Variants in ARHGEF11 observed in about 807,000 individuals in gnomAD.
The protein encoded by ARHGEF11 is Rho guanine nucleotide exchange factor 11.
A neutral mutation model predicts 193.7 loss-of-function variants in ARHGEF11; 55 were observed. The ratio of observed to expected loss-of-function variants is 0.28; its 90% CI spans 0.23 to 0.36. The LOEUF (loss-of-function observed/expected upper bound fraction) is 0.36, where lower values mean the gene tolerates loss of function less well. ARHGEF11 is among the 10% of genes least tolerant of loss of function. The pLI is 1.00. For synonymous variants in ARHGEF11, 693 were observed against 768.0 expected (o/e 0.90, Z 1.62); for missense variants, 1,723 against 2,005.6 (o/e 0.86, Z 2.69).
At position 156,956,445 on chromosome 1, in the gene ARHGEF11, A is replaced by G; in HGVS notation, c.1646T>C (p.Leu549Pro). 1 of 1,614,162 alleles carries G rather than the reference A, an allele frequency of 6.2e-7. No individual in the cohort carries two copies. The highest frequency in any genetic ancestry group is 8.5e-7 in the Non-Finnish European group (1 of 1,180,020). The change falls in exon 19 of 41, where the codon CTA becomes CCA. Residue 549 changes from leucine to proline, a missense_variant. Leu to Pro is a moderately conservative substitution (Grantham distance 98). Around this residue, in one of 5 missense-constraint regions of ARHGEF11, gnomAD observed 491 missense variants for 654.5 expected, o/e 0.75. Coordinates refer to ENST00000368194, the MANE Select transcript of ARHGEF11 (RefSeq NM_198236.3). ...AQSAPDKDKW[L>P]PFFPKTKKSS... ...CTTCTTGGTCTTAGGGAAGAACGGT[A>G]GCCACTTGTCCTTGTCAGGAGCAGA...
intron 35 of ARHGEF11, 144 bp downstream of exon 35, chr1:156,941,228 C>T: frequency 1.4e-6 from 1 of 701,328 alleles, no homozygotes; most frequent in South Asian, 1.6e-5. Context: ...ACTCTTCCTC[C>T]CGCCCTGTTT....
intron 1 of ARHGEF11, among the ~76,000 whole-genome samples, chr1:157,029,807 C>G (rs772605554): frequency 4.6e-5 from 7 of 152,122 alleles, no homozygotes; most frequent in Admixed American, 1.3e-4. Flanking sequence ...GAATATTATT[C>G]AACCATAAAA....
intron 1 of ARHGEF11, among the ~76,000 whole-genome samples, chr1:156,992,617 A>G (rs77195894): frequency 2.2e-4 from 21 of 95,570 alleles, no homozygotes; most frequent in South Asian, 1.8e-3. Flanking sequence ...GTGTGTGTGT[A>G]TATATATATA....
chr1:157,019,435 G>A (rs1265148126), intron 1 of ARHGEF11, among the ~76,000 whole-genome samples: 1 of 152,242 alleles, frequency 6.6e-6, no homozygotes, highest in Non-Finnish European at 1.5e-5. Context: ...TACACTGCCA[G>A]TGGGAATGTG....
Position 156,939,837 on chromosome 1 carries a change from C to G in ARHGEF11, c.3807G>C (p.Glu1269Asp). The change falls in exon 37 of 41, where the codon GAG (glutamate) becomes GAC (aspartate). Residue 1269 changes from glutamate (E) to aspartate (D), a missense_variant. By Grantham distance (45) the Glu-to-Asp change is conservative. Transcript: ENST00000368194. Reference protein sequence around the residue: ...GHTMETQAAQEPEDDLTPTPS... With the variant: ...GHTMETQAAQDPEDDLTPTPS... ...GTGTGGGTGTCAGGTCGTCCTCGGG[C>G]TCCTGGGCAGCCTGAGTTTCCATGG... The G allele has an allele frequency of 1.2e-6, 2 of 1,612,864 alleles. No homozygotes were observed. Among genetic ancestry groups the G allele is most frequent in the Non-Finnish European group, 1.7e-6 (2 of 1,179,962 alleles).
At chr1:157,031,987 C>T (rs577340309) in intron 1 of ARHGEF11, among the ~76,000 whole-genome samples, 5 of 152,328 alleles carry the variant, frequency 3.3e-5, no homozygotes, top group African/African-American at 1.2e-4. Flanking sequence ...GAAATTTATT[C>T]TCTCACTTAA....
intron 1 of ARHGEF11, among the ~76,000 whole-genome samples, chr1:156,997,348 A>G (rs933514448): frequency 2.0e-5 from 3 of 152,228 alleles, no homozygotes; most frequent in Non-Finnish European, 2.9e-5. Context: ...GGAGGGCCTT[A>G]AACGGTATCT....
rs199961265 is a variant in ARHGEF11 at position 157,002,991 on chromosome 1, G to T, written c.33-16818C>A. Among the ~76,000 whole-genome samples, 7 of 152,322 alleles carry T rather than the reference G, an allele frequency of 4.6e-5. No individual in the cohort carries two copies. In the East Asian group the frequency reaches 1.3e-3, roughly 29 times the overall value. On this transcript the variant is annotated intron_variant, in intron 1 of 40. Transcript: ENST00000368194. ...AGGATTCTATTTCATGAGAGTGTTAGGACTAAATTATTTAAAACATGCAAA... is the reference window on the plus strand; with the variant it reads ...AGGATTCTATTTCATGAGAGTGTTATGACTAAATTATTTAAAACATGCAAA...
rs140745343 is a variant in ARHGEF11 at position 156,948,165 on chromosome 1, C to G, written c.2153+16G>C. 1 of 1,554,714 alleles carries G rather than the reference C, an allele frequency of 6.4e-7. No individual in the cohort carries two copies. Among genetic ancestry groups the G allele is most frequent in the Non-Finnish European group, 8.7e-7 (1 of 1,148,188 alleles). Reference sequence around the variant, plus strand: ...CAGAGACACCAAACAGAGGCACCACCGTGCCCATCACTTACCTGCGGCCCA... The same window carrying G: ...CAGAGACACCAAACAGAGGCACCACGGTGCCCATCACTTACCTGCGGCCCA... On this transcript the variant is annotated intron_variant, in intron 24 of 40. Coordinates refer to ENST00000368194, the MANE Select transcript of ARHGEF11 (RefSeq NM_198236.3). The surrounding 1 kb of genome is among the most constrained non-coding windows in gnomAD (Gnocchi z 4.2).
At position 156,935,856 on chromosome 1, in the gene ARHGEF11, CCCCCGGGCCTTGGCTGGA is replaced by C; in HGVS notation, c.*126_*143del. 1 of 914,706 alleles carries C rather than the reference CCCCCGGGCCTTGGCTGGA, an allele frequency of 1.1e-6. No homozygotes were observed. The highest frequency in any genetic ancestry group is 1.6e-6 in the Non-Finnish European group (1 of 612,702). The allele number at this position is 914,706 out of a possible 1,614,324, so 56.7% of individuals were successfully genotyped here. On this transcript the variant is annotated 3_prime_UTR_variant, in exon 41 of 41. Coordinates refer to ENST00000368194, the MANE Select transcript of ARHGEF11 (RefSeq NM_198236.3). The stretch of plus-strand genomic sequence containing the variant: ...GCAGACCAAGCAACATGCGGGTCTC[CCCCCGGGCCTTGGCTGGA>C]TCCTAGTTTCCCTAACTGCCTCCTC...
chr1:156,942,307 C>T (rs1657170198), intron 33 of ARHGEF11, among the ~76,000 whole-genome samples: 1 of 152,250 alleles, frequency 6.6e-6, no homozygotes, highest in South Asian at 2.1e-4. Flanking sequence ...TCTGACTCAA[C>T]CTGTCTCCTT....
At chr1:157,012,309 T>C (rs746508690) in intron 1 of ARHGEF11, among the ~76,000 whole-genome samples, 3 of 152,150 alleles carry the variant, frequency 2.0e-5, no homozygotes, top group Non-Finnish European at 2.9e-5. Flanking sequence ...AGTAGATTAA[T>C]GGCTAACTGG....
chr1:156,995,989 C>T (rs901431246), intron 1 of ARHGEF11, among the ~76,000 whole-genome samples: 1 of 152,118 alleles, frequency 6.6e-6, no homozygotes, highest in Non-Finnish European at 1.5e-5. Flanking sequence ...ATACAGGTAA[C>T]AGATCTTTAG....
At chr1:156,973,329 G>A (rs1234303580) in intron 7 of ARHGEF11, among the ~76,000 whole-genome samples, 1 of 152,136 alleles carries the variant, frequency 6.6e-6, no homozygotes, top group Non-Finnish European at 1.5e-5. Flanking sequence ...TCCCATTACT[G>A]CGCAGGCTAC....
In ARHGEF11 at chr1:156,941,360, C is replaced by T; in HGVS notation, c.3514+12G>A. ...CTGGGCTGGCTCCCACAGGACAGTT[C>T]AGGGCCCTTACCTCCAGGCAGCTCC... On this transcript the variant is annotated intron_variant, in intron 35 of 40. Transcript: ENST00000368194. The T allele has an allele frequency of 1.9e-6, 3 of 1,612,966 alleles. No individual in the cohort carries two copies. The highest frequency in any genetic ancestry group is 2.5e-6 in the Non-Finnish European group (3 of 1,179,280).
rs569188325 is a variant in ARHGEF11, at chr1:156,935,855, C to T, written c.*145G>A. 388 of 892,528 alleles carry T rather than the reference C, an allele frequency of 4.3e-4. 3 individuals are homozygous for T. The South Asian group carries it at 6.7e-3, about 15-fold the overall frequency. The allele number at this position is 892,528 out of a possible 1,614,324, so 55.3% of individuals were successfully genotyped here. ...AGCAGACCAAGCAACATGCGGGTCT[C>T]CCCCCGGGCCTTGGCTGGATCCTAG... is the stretch of plus-strand genomic sequence containing the variant. On this transcript the variant is annotated 3_prime_UTR_variant, in exon 41 of 41. Coordinates refer to ENST00000368194, the MANE Select transcript of ARHGEF11 (RefSeq NM_198236.3).
Position 157,044,502 on chromosome 1 carries a change from A to G in ARHGEF11, c.-172T>C. The G allele has an allele frequency of 1.9e-6, 1 of 535,148 alleles. No homozygotes were observed. The highest frequency in any genetic ancestry group is 3.4e-6 in the Non-Finnish European group (1 of 296,210). The allele number at this position is 535,148 out of a possible 1,614,324, so 33.1% of individuals were successfully genotyped here. ...GTAACTGATGCTCCACTCTACTTCT[A>G]CCAGTGAACATGATTTCCTTTCTCA... On this transcript the variant is annotated 5_prime_UTR_variant, in exon 1 of 41. Transcript: ENST00000368194.
rs759557895 is a variant in ARHGEF11 at position 156,937,397 on chromosome 1, G to A, written c.4292C>T (p.Ala1431Val). ...CTGAGGCTGAGGCTCTGTCTGCCCT[G>A]CAGGGAGGCTGTCAGGCTGAGGGGG... Reference protein sequence around the residue: ...MSPPQPDSLPAGQTEPQPQLQ... With the variant: ...MSPPQPDSLPVGQTEPQPQLQ... Residue 1431 changes from alanine (A) to valine (V), a missense_variant, in exon 39 of 41, where the codon GCA (alanine) becomes GTA (valine). Coordinates refer to ENST00000368194, the MANE Select transcript of ARHGEF11 (RefSeq NM_198236.3). The A allele has an allele frequency of 1.9e-6, 3 of 1,599,504 alleles. No individual in the cohort carries two copies. Among genetic ancestry groups the A allele is most frequent in the South Asian group, 2.3e-5 (2 of 88,428 alleles).
chr1:156,975,351 C>T (rs1663111187), intron 7 of ARHGEF11, among the ~76,000 whole-genome samples: 1 of 152,162 alleles, frequency 6.6e-6, no homozygotes, highest in Non-Finnish European at 1.5e-5. Context: ...GTATGTCTGT[C>T]TTCTTTAGAG....
Sources: allele counts gnomAD v4.1 joint callset (sites outside exome capture counted in the v4.1 genomes callset), GRCh38; gene constraint gnomAD v4.1.1; regional missense constraint gnomAD v4.1.1; non-coding constraint Gnocchi (gnomAD v3.1); transcripts MANE v1.5; gene names NCBI Gene and HGNC (gene_info 2026-07-23, HGNC 2026-07-21).